SLC66A2: variants seen among roughly 807,000 people sequenced by gnomAD.
SLC66A2 encodes solute carrier family 66 member 2.
A neutral mutation model predicts 25.5 loss-of-function variants in SLC66A2; 23 were observed. The ratio of observed to expected loss-of-function variants is 0.90; its 90% confidence interval spans 0.65 to 1.28. The LOEUF (loss-of-function observed/expected upper bound fraction) is 1.28, where lower values mean the gene tolerates loss of function less well. Ranked by LOEUF, SLC66A2 falls within the 50% of genes most tolerant of loss-of-function variation. SLC66A2 has a pLI of 0.00. For synonymous variants in SLC66A2, 193 were observed against 166.5 expected (o/e 1.16, Z -1.23); for missense variants, 396 against 373.1 (o/e 1.06, Z -0.51).
intron 3 of SLC66A2, among the ~76,000 whole-genome samples, chr18:79,938,145 CA>C (rs61104575): frequency 0.89 from 120,940 of 135,962 alleles, 54,969 homozygotes; most frequent in East Asian, 1. Flanking sequence ...GACCCTGTCT[CA>C]AAAAAAAAAA....
rs375335863 is a variant in SLC66A2 at position 79,911,896 on chromosome 18, G to A, written c.608+7288C>T. On this transcript the variant is annotated intron_variant, in intron 5 of 5. Coordinates refer to ENST00000397778, the MANE Select transcript of SLC66A2 (RefSeq NM_025078.5). ...GGCAGCAGGGAGGGGACAGGAGCAG[G>A]AAGGGGACAGGAGTGGGGGGGACGG... Among the ~76,000 whole-genome samples, 29 of 117,090 alleles carry A rather than the reference G, an allele frequency of 2.5e-4. No homozygotes were observed. In the East Asian group the frequency reaches 7.5e-3, roughly 30 times the overall value. 76.8% of individuals were successfully genotyped at this position (117,090 alleles called of 152,430 possible).
intron 2 of SLC66A2, among the ~76,000 whole-genome samples, chr18:79,946,048 T>A (rs190725594): frequency 8.3e-4 from 127 of 152,344 alleles, no homozygotes; most frequent in Middle Eastern, 3.4e-3. Context: ...TGCATTTTTT[T>A]AAATGTTTAA....
rs975145214 is a variant in SLC66A2 at position 79,917,206 on chromosome 18, C to T, written c.608+1978G>A. Among the ~76,000 whole-genome samples the T allele has an allele frequency of 6.6e-6, 1 of 152,268 alleles. No homozygotes were observed. Among genetic ancestry groups the T allele is most frequent in the African/African-American group, 2.4e-5 (1 of 41,472 alleles). On this transcript the variant is annotated intron_variant, in intron 5 of 5. Transcript: ENST00000397778. The surrounding 1 kb of genome is among the most constrained non-coding windows in gnomAD (Gnocchi z 6.0). ...GGCCGCCTCGGCCAGCATCTGGAAACTCGGGTTTGAAGAGGATTCCCACGT... is the reference window on the plus strand; with the variant it reads ...GGCCGCCTCGGCCAGCATCTGGAAATTCGGGTTTGAAGAGGATTCCCACGT...
chr18:79,931,019 A>G (rs1054710260), intron 4 of SLC66A2, among the ~76,000 whole-genome samples: 3 of 152,238 alleles, frequency 2.0e-5, no homozygotes, highest in East Asian at 1.9e-4. Flanking sequence ...GTAGATTCTG[A>G]TAAGTTAAGA....
At chr18:79,948,927 C>T (rs1310408266) in intron 2 of SLC66A2, among the ~76,000 whole-genome samples, 1 of 152,194 alleles carries the variant, frequency 6.6e-6, no homozygotes, top group African/African-American at 2.4e-5. Context: ...TCCAGTCAAC[C>T]TTACGCTCAC....
In SLC66A2 at chr18:79,917,338, C is replaced by T. The variant is rs1434487099; in HGVS notation, c.608+1846G>A. Among the ~76,000 whole-genome samples the T allele has an allele frequency of 6.6e-6, 1 of 152,224 alleles. No individual in the cohort carries two copies. The highest frequency in any genetic ancestry group is 1.5e-5 in the Non-Finnish European group (1 of 68,030). On this transcript the variant is annotated intron_variant, in intron 5 of 5. Coordinates refer to ENST00000397778, the MANE Select transcript of SLC66A2 (RefSeq NM_025078.5). This position sits in a 1 kb window ranked among gnomAD's most constrained non-coding sequence, Gnocchi z 6.0. ...ATCGAGAGCAACAGCTCCTGCCAAG[C>T]CTGGGGCCCCTGTGAGGTCACACAC...
chr18:79,943,218 T>G, intron 3 of SLC66A2, 111 bp downstream of exon 3: 1 of 1,335,936 alleles, frequency 7.5e-7, no homozygotes, highest in Non-Finnish European at 1.0e-6. Context: ...CAGCACCACT[T>G]GGTGAAATGA....
At chr18:79,933,127 G>A (rs1289775028) in intron 4 of SLC66A2, among the ~76,000 whole-genome samples, 1 of 152,170 alleles carries the variant, frequency 6.6e-6, no homozygotes, top group African/African-American at 2.4e-5. Flanking sequence ...TCCCAAGAAT[G>A]CAAGGTTGGT....
Position 79,918,042 on chromosome 18 carries a change from C to T in SLC66A2, c.608+1142G>A, listed in dbSNP as rs996679401. Among the ~76,000 whole-genome samples, 7 of 151,860 alleles carry T rather than the reference C, an allele frequency of 4.6e-5. No homozygotes were observed. Among genetic ancestry groups the T allele is most frequent in the African/African-American group, 1.7e-4 (7 of 41,300 alleles). ...CCCACACCTATAACCCTGGCCTGCA[C>T]CTACATCTCACCCCCTACCACCACC... On this transcript the variant is annotated intron_variant, in intron 5 of 5. Transcript: ENST00000397778. This position sits in a 1 kb window ranked among gnomAD's most constrained non-coding sequence, Gnocchi z 4.0.
intron 5 of SLC66A2, among the ~76,000 whole-genome samples, chr18:79,910,827 TC>T (rs1377852427): frequency 6.6e-6 from 1 of 152,218 alleles, no homozygotes; most frequent in Non-Finnish European, 1.5e-5. Context: ...ACAACGTCCC[TC>T]CTCACACAGC....
chr18:79,934,021 A>G lies in SLC66A2; in HGVS notation c.339T>C (p.Ala113=). ...ELNARRRSFT[A]ADSKDEEVKV... ...TGACTTCTTCATCCTTGCTATCTGCAGCTACACGTTAAAAAGGGAGACAGA... is the reference window on the plus strand; with the variant it reads ...TGACTTCTTCATCCTTGCTATCTGCGGCTACACGTTAAAAAGGGAGACAGA... Residue 113 remains alanine, a splice_region_variant and synonymous_variant, in exon 4 of 6, where the codon GCT becomes GCC. Transcript: ENST00000397778. 6.2e-7 allele frequency: 1 copy of G among 1,612,058 alleles called. No individual in the cohort carries two copies. Among genetic ancestry groups the G allele is most frequent in the Non-Finnish European group, 8.5e-7 (1 of 1,179,352 alleles).
At chr18:79,912,842 G>A (rs1173230025) in intron 5 of SLC66A2, among the ~76,000 whole-genome samples, 1 of 152,154 alleles carries the variant, frequency 6.6e-6, no homozygotes, top group Non-Finnish European at 1.5e-5. Context: ...CTTGCTTCCT[G>A]TTAACCCAGG....
chr18:79,916,212 GCGCTCT>G (rs1327595691), intron 5 of SLC66A2, among the ~76,000 whole-genome samples: 65 of 118,830 alleles, frequency 5.5e-4, no homozygotes, highest in African/African-American at 1.8e-3. Flanking sequence ...CGTACCCGCG[GCGCTCT>G]TGTACCTGCG....
In SLC66A2 at chr18:79,904,474, G is replaced by A. The variant is rs2123167685; in HGVS notation, c.609-291C>T. ...CAACCCCCACCCTTGACTTCTCTGTGGCCGCAAGAGCTGCCGCCTGGCTGG... is the reference window on the plus strand; with the variant it reads ...CAACCCCCACCCTTGACTTCTCTGTAGCCGCAAGAGCTGCCGCCTGGCTGG... On this transcript the variant is annotated intron_variant, in intron 5 of 5. Transcript: ENST00000397778. The surrounding 1 kb of genome is among the most constrained non-coding windows in gnomAD (Gnocchi z 6.3). 6.6e-6 allele frequency among the ~76,000 whole-genome samples: 1 copy of A among 152,260 alleles called. No individual in the cohort carries two copies. Among genetic ancestry groups the A allele is most frequent in the East Asian group, 1.9e-4 (1 of 5,176 alleles).
chr18:79,916,131 ACGG>A (rs1984041767), intron 5 of SLC66A2, among the ~76,000 whole-genome samples: 1 of 89,076 alleles, frequency 1.1e-5, no homozygotes, highest in African/African-American at 4.3e-5. Flanking sequence ...TCCCATACCC[ACGG>A]TGCTCCCGTA....
intron 4 of SLC66A2, among the ~76,000 whole-genome samples, chr18:79,931,264 G>A (rs1010991822): frequency 2.6e-5 from 4 of 152,054 alleles, no homozygotes; most frequent in African/African-American, 9.7e-5. Context: ...AAATCAAAGG[G>A]CAGAATTGCC....
chr18:79,904,446 A>G lies in SLC66A2; in HGVS notation c.609-263T>C, dbSNP rs966247952. 6.6e-6 allele frequency among the ~76,000 whole-genome samples: 1 copy of G among 152,054 alleles called. No homozygotes were observed. The highest frequency in any genetic ancestry group is 2.4e-5 in the African/African-American group (1 of 41,384). ...GACACACCCTGACCCCACCTGTCCC[A>G]TGCAACCCCCACCCTTGACTTCTCT... On this transcript the variant is annotated intron_variant, in intron 5 of 5. Transcript: ENST00000397778. This position sits in a 1 kb window ranked among gnomAD's most constrained non-coding sequence, Gnocchi z 6.3.
intron 5 of SLC66A2, among the ~76,000 whole-genome samples, chr18:79,915,199 C>T (rs1048506194): frequency 6.6e-6 from 1 of 152,176 alleles, no homozygotes; most frequent in African/African-American, 2.4e-5. Context: ...GTGGGAAAAC[C>T]GCCCGATGGT....
At chr18:79,911,168 C>G (rs1178041336) in intron 5 of SLC66A2, among the ~76,000 whole-genome samples, 1 of 152,226 alleles carries the variant, frequency 6.6e-6, no homozygotes, top group Non-Finnish European at 1.5e-5. Flanking sequence ...CTCCTGAGGC[C>G]CCAACCACAC....
Sources: gnomAD v4.1 joint callset for allele counts (sites outside exome capture counted in the v4.1 genomes callset) on GRCh38, gnomAD v4.1.1 for gene constraint, Gnocchi (gnomAD v3.1) non-coding constraint, MANE v1.5 for transcripts, NCBI Gene and HGNC (gene_info 2026-07-23, HGNC 2026-07-21) for gene names.